The following ZNF385B variants were observed in gnomAD, a reference collection of about 807,000 sequenced individuals.
ZNF385B encodes zinc finger protein 533.
In ZNF385B, 23 loss-of-function variants were observed where a neutral mutation model predicts 39.2. That is an observed-to-expected ratio of 0.59 (90% CI 0.42 to 0.83). ZNF385B has a LOEUF of 0.83. Ranked by LOEUF, ZNF385B falls within the 40% of genes least tolerant of loss-of-function variation. The probability of loss-of-function intolerance (pLI) is 0.00; values close to 1 mark genes in which losing one functional copy is unlikely to be tolerated. For missense variants in ZNF385B, 552 were observed against 598.9 expected (o/e 0.92, Z 0.82); for synonymous variants, 205 against 222.6 (o/e 0.92, Z 0.70).
chr2:179,668,461 G>T (rs1695466419), intron 3 of ZNF385B, among the ~76,000 whole-genome samples: 1 of 151,998 alleles, frequency 6.6e-6, no homozygotes, highest in Non-Finnish European at 1.5e-5. Context: ...ATTCATGATG[G>T]GTTCCTCCTT....
At chr2:179,693,499 C>T (rs911287148) in intron 3 of ZNF385B, among the ~76,000 whole-genome samples, 8 of 152,038 alleles carry the variant, frequency 5.3e-5, no homozygotes, top group Non-Finnish European at 1.0e-4. Context: ...GAGAATAATG[C>T]AATAATGAAT....
chr2:179,674,646 C>A (rs1203904390), intron 3 of ZNF385B, among the ~76,000 whole-genome samples: 1 of 152,200 alleles, frequency 6.6e-6, no homozygotes, highest in Non-Finnish European at 1.5e-5. Flanking sequence ...ACTATGAAGT[C>A]ACACATATTA....
intron 4 of ZNF385B, among the ~76,000 whole-genome samples, chr2:179,522,448 A>G (rs988005154): frequency 4.6e-5 from 7 of 152,182 alleles, no homozygotes; most frequent in African/African-American, 7.2e-5. Context: ...ATGAATAAAA[A>G]GTTCAGGATT....
intron 3 of ZNF385B, among the ~76,000 whole-genome samples, chr2:179,719,451 C>T (rs1474701672): frequency 6.6e-6 from 1 of 152,180 alleles, no homozygotes; most frequent in African/African-American, 2.4e-5. Context: ...ACATTTTACA[C>T]TATGTTTTCC....
intron 5 of ZNF385B, among the ~76,000 whole-genome samples, chr2:179,489,063 T>G (rs904596718): frequency 1.2e-4 from 19 of 152,074 alleles, no homozygotes; most frequent in African/African-American, 4.3e-4. Context: ...AGGAGAGAGG[T>G]AAATCTCTTC....
intron 5 of ZNF385B, among the ~76,000 whole-genome samples, chr2:179,514,998 G>A (rs1288978524): frequency 6.6e-6 from 1 of 152,074 alleles, no homozygotes; most frequent in African/African-American, 2.4e-5. Flanking sequence ...GGCTGGTCTC[G>A]AACTCCTGAC....
At chr2:179,494,811 A>T (rs925020102) in intron 5 of ZNF385B, among the ~76,000 whole-genome samples, 1 of 152,210 alleles carries the variant, frequency 6.6e-6, no homozygotes, top group Non-Finnish European at 1.5e-5. Flanking sequence ...AAGTGCCTAC[A>T]CACTACATAT....
At chr2:179,552,792 G>C (rs535156009) in intron 3 of ZNF385B, among the ~76,000 whole-genome samples, 24 of 149,272 alleles carry the variant, frequency 1.6e-4, no homozygotes, top group Admixed American at 6.6e-5. Flanking sequence ...CTTTGAAAAG[G>C]TCTCATAATA....
chr2:179,846,041 T>C (rs1380566678), intron 1 of ZNF385B, among the ~76,000 whole-genome samples: 1 of 152,234 alleles, frequency 6.6e-6, no homozygotes, highest in Non-Finnish European at 1.5e-5. Context: ...ACTGAATACA[T>C]ACTTTTGGTT....
chr2:179,491,345 C>T (rs2055204888), intron 5 of ZNF385B, among the ~76,000 whole-genome samples: 3 of 152,116 alleles, frequency 2.0e-5, no homozygotes, highest in African/African-American at 7.2e-5. Flanking sequence ...AATTTAATGA[C>T]AAATGTATAT....
At chr2:179,626,171 A>G (rs762086585) in intron 3 of ZNF385B, among the ~76,000 whole-genome samples, 5 of 152,196 alleles carry the variant, frequency 3.3e-5, no homozygotes, top group African/African-American at 1.2e-4. Context: ...TATCTTTTCT[A>G]TGTGTGGCAT....
intron 3 of ZNF385B, among the ~76,000 whole-genome samples, chr2:179,635,871 A>C (rs1281298455): frequency 6.6e-6 from 1 of 151,986 alleles, no homozygotes; most frequent in Non-Finnish European, 1.5e-5. Flanking sequence ...AACACATAAG[A>C]TCTTGTGACC....
At chr2:179,834,783 C>A (rs1708159720) in intron 1 of ZNF385B, among the ~76,000 whole-genome samples, 1 of 151,992 alleles carries the variant, frequency 6.6e-6, no homozygotes, top group Non-Finnish European at 1.5e-5. Flanking sequence ...ACACCTTTAC[C>A]AAATAATCAA....
intron 5 of ZNF385B, among the ~76,000 whole-genome samples, chr2:179,493,496 T>C (rs1166371211): frequency 1.9e-4 from 27 of 144,846 alleles, no homozygotes; most frequent in Non-Finnish European, 3.5e-4. Flanking sequence ...TATAAACGTG[T>C]GTGTACATAT....
At chr2:179,471,332 T>C (rs1055248140) in intron 6 of ZNF385B, among the ~76,000 whole-genome samples, 2 of 152,186 alleles carry the variant, frequency 1.3e-5, no homozygotes, top group Non-Finnish European at 2.9e-5. Flanking sequence ...ACATGGAGAA[T>C]AGAGAAAAAT....
At chr2:179,810,161 T>C (rs1210328661) in intron 1 of ZNF385B, among the ~76,000 whole-genome samples, 1 of 151,834 alleles carries the variant, frequency 6.6e-6, no homozygotes. Flanking sequence ...TCTGAAACTA[T>C]ATATCAAATA....
intron 3 of ZNF385B, among the ~76,000 whole-genome samples, chr2:179,744,316 T>TTC (rs1304241900): frequency 8.9e-6 from 1 of 112,968 alleles, no homozygotes; most frequent in Admixed American, 8.8e-5. Context: ...CTCTCCATTT[T>TTC]TTTTTTTTTT....
chr2:179,785,216 G>A (rs1378804023), intron 1 of ZNF385B, among the ~76,000 whole-genome samples: 2 of 152,064 alleles, frequency 1.3e-5, no homozygotes, highest in African/African-American at 4.8e-5. Context: ...GAGGAGTGGA[G>A]GTTCAAAGGG....
intron 5 of ZNF385B, among the ~76,000 whole-genome samples, chr2:179,507,590 A>G (rs1051070945): frequency 6.6e-6 from 1 of 152,176 alleles, no homozygotes; most frequent in Admixed American, 6.5e-5. Context: ...TTAACATCAT[A>G]CAGTTCAGCA....
Sources: gnomAD v4.1 joint callset for allele counts (sites outside exome capture counted in the v4.1 genomes callset) on GRCh38, gnomAD v4.1.1 for gene constraint, MANE v1.5 for transcripts, NCBI Gene and HGNC (gene_info 2026-07-23, HGNC 2026-07-21) for gene names.